The following ATRNL1 variants were observed in gnomAD, a reference collection of about 807,000 sequenced individuals.
ATRNL1 encodes the protein attractin like 1, also known as attractin-like protein 1.
In ATRNL1, 95 loss-of-function variants were observed where a neutral mutation model predicts 182.7. The observed-to-expected ratio is 0.52, with a 90% CI of 0.44 to 0.62. The LOEUF (loss-of-function observed/expected upper bound fraction) is 0.62, where lower values mean the gene tolerates loss of function less well. Ranked by LOEUF, ATRNL1 falls within the 20% of genes least tolerant of loss-of-function variation. The pLI is 0.00. For missense variants in ATRNL1, 1,471 were observed against 1,679.5 expected, an observed-to-expected ratio of 0.88 and a Z score of 2.17; for synonymous variants, 576 against 568.3, an observed-to-expected ratio of 1.01 and a Z score of -0.19.
chr10:115,387,851 T>C (rs76823798), intron 19 of ATRNL1, among the ~76,000 whole-genome samples: 2,569 of 152,338 alleles, frequency 0.017, 77 homozygotes, highest in African/African-American at 0.057. Flanking sequence ...TTTCCACTTA[T>C]GGCTATTGTG....
chr10:115,826,151 T>C (rs950345860), intron 27 of ATRNL1, among the ~76,000 whole-genome samples: 2 of 152,202 alleles, frequency 1.3e-5, no homozygotes, highest in Non-Finnish European at 1.5e-5. Flanking sequence ...ATGCTAGCTA[T>C]GACTGTTCTC....
chr10:115,505,233 C>A (rs1554981017), intron 24 of ATRNL1, among the ~76,000 whole-genome samples: 1 of 151,878 alleles, frequency 6.6e-6, no homozygotes, highest in Non-Finnish European at 1.5e-5. Context: ...AGAGCCCACA[C>A]TGAATCCTGG....
chr10:115,557,808 A>T (rs1458436104), intron 26 of ATRNL1, among the ~76,000 whole-genome samples: 7 of 152,170 alleles, frequency 4.6e-5, no homozygotes, highest in African/African-American at 1.7e-4. Context: ...ACACTTTGAG[A>T]GGCCGAGGCT....
At chr10:115,870,839 C>T (rs1589629441) in intron 28 of ATRNL1, among the ~76,000 whole-genome samples, 1 of 152,080 alleles carries the variant, frequency 6.6e-6, no homozygotes, top group East Asian at 1.9e-4. Context: ...GTTTTCTCAT[C>T]ATAATTTGAA....
At chr10:115,742,206 A>G (rs1197778336) in intron 27 of ATRNL1, among the ~76,000 whole-genome samples, 2 of 152,200 alleles carry the variant, frequency 1.3e-5, no homozygotes, top group Non-Finnish European at 1.5e-5. Context: ...GACATGAGAT[A>G]GTAATTTAAG....
intron 24 of ATRNL1, among the ~76,000 whole-genome samples, chr10:115,498,515 T>C (rs978292816): frequency 2.6e-5 from 4 of 152,058 alleles, no homozygotes; most frequent in Admixed American, 1.3e-4. Context: ...GGGAAAGACA[T>C]CAGCAATTGT....
At chr10:115,782,667 C>T (rs1350468280) in intron 27 of ATRNL1, among the ~76,000 whole-genome samples, 2 of 152,162 alleles carry the variant, frequency 1.3e-5, no homozygotes, top group Non-Finnish European at 2.9e-5. Flanking sequence ...TTCTATTGGT[C>T]ATTCTGTTGG....
chr10:115,313,649 A>T (rs536416135), intron 17 of ATRNL1, among the ~76,000 whole-genome samples: 1 of 152,288 alleles, frequency 6.6e-6, no homozygotes, highest in Non-Finnish European at 1.5e-5. Context: ...CACAGGTAAA[A>T]TCTGGCTGTT....
chr10:115,855,288 C>T (rs1951153541), intron 28 of ATRNL1, among the ~76,000 whole-genome samples: 1 of 152,178 alleles, frequency 6.6e-6, no homozygotes, highest in South Asian at 2.1e-4. Context: ...CTGTGTTAGG[C>T]TGCTTATTTT....
At chr10:115,504,255 TAA>T (rs1239784252) in intron 24 of ATRNL1, among the ~76,000 whole-genome samples, 1 of 152,046 alleles carries the variant, frequency 6.6e-6, no homozygotes, top group Non-Finnish European at 1.5e-5. Context: ...CCTGAGACAG[TAA>T]AAAAGATTTG....
chr10:115,605,319 T>C (rs1390343965), intron 26 of ATRNL1, among the ~76,000 whole-genome samples: 2 of 152,124 alleles, frequency 1.3e-5, no homozygotes, highest in Non-Finnish European at 2.9e-5. Flanking sequence ...GGTAGTAATT[T>C]GTCTTTCTTA....
At chr10:115,853,207 T>C in intron 28 of ATRNL1, among the ~76,000 whole-genome samples, 1 of 152,202 alleles carries the variant, frequency 6.6e-6, no homozygotes. Flanking sequence ...ATTTATCTTT[T>C]CAGTTGCTCA....
At chr10:115,767,665 T>G (rs1270189809) in intron 27 of ATRNL1, among the ~76,000 whole-genome samples, 1 of 152,166 alleles carries the variant, frequency 6.6e-6, no homozygotes, top group Admixed American at 6.6e-5. Context: ...ACCTGTTCCT[T>G]TACCTATCAA....
Position 115,093,819 on chromosome 10 carries a change from G to A in ATRNL1, c.69G>A (p.Arg23=), listed in dbSNP as rs782669624. The change falls in exon 1 of 29, where the codon CGG becomes CGA. Residue 23 remains arginine (R), a synonymous_variant. Transcript: ENST00000355044. The surrounding 1 kb of genome is among the most constrained non-coding windows in gnomAD (Gnocchi z 6.1). Reference sequence around the variant, plus strand: ...CGGCCCCGGGGGTGTGGAGGGCTCGGCCGGCGGGCGGCGGCGGCGGGGGCG... The same window carrying A: ...CGGCCCCGGGGGTGTGGAGGGCTCGACCGGCGGGCGGCGGCGGCGGGGGCG... ...QPAAPGVWRA[R]PAGGGGGGAS... is the part of the protein sequence containing the mutation. 1 of 1,498,496 alleles carries A rather than the reference G, an allele frequency of 6.7e-7. No homozygotes were observed. 92.8% of individuals were successfully genotyped at this position (1,498,496 alleles called of 1,614,324 possible).
chr10:115,868,289 T>C (rs1171394589), intron 28 of ATRNL1, among the ~76,000 whole-genome samples: 1 of 152,192 alleles, frequency 6.6e-6, no homozygotes, highest in Non-Finnish European at 1.5e-5. Context: ...GCCATCTTCA[T>C]TTATTCCCTA....
chr10:115,945,642 A>G lies in ATRNL1; in HGVS notation c.*863A>G, dbSNP rs1050627642. 1 of 152,232 alleles carries G rather than the reference A, an allele frequency of 6.6e-6. No individual in the cohort carries two copies. Among genetic ancestry groups the G allele is most frequent in the African/African-American group, 2.4e-5 (1 of 41,464 alleles). 9.4% of individuals were successfully genotyped at this position (152,232 alleles called of 1,614,324 possible). The stretch of plus-strand genomic sequence containing the variant: ...TTAATTGCCTAAGAATCATTGGATC[A>G]GACCTAAATGATCCATCTGCATTTT... On this transcript the variant is annotated 3_prime_UTR_variant, in exon 29 of 29. Transcript: ENST00000355044.
At chr10:115,433,756 T>TTA (rs1485811829) in intron 21 of ATRNL1, among the ~76,000 whole-genome samples, 4 of 152,272 alleles carry the variant, frequency 2.6e-5, no homozygotes, top group Admixed American at 6.5e-5. Flanking sequence ...GCTATTAAGT[T>TTA]AATGTAGAAG....
intron 24 of ATRNL1, among the ~76,000 whole-genome samples, chr10:115,492,737 G>T (rs868994838): frequency 6.8e-6 from 1 of 146,180 alleles, no homozygotes; most frequent in Admixed American, 6.9e-5. Context: ...TCCGCCTCCC[G>T]GGTTCACACC....
chr10:115,697,332 C>T (rs1286609596), intron 26 of ATRNL1, among the ~76,000 whole-genome samples: 2 of 152,060 alleles, frequency 1.3e-5, no homozygotes, highest in Non-Finnish European at 2.9e-5. Flanking sequence ...CTTTACAATA[C>T]AAGCATGTTT....
Sources: gnomAD v4.1 joint callset for allele counts (sites outside exome capture counted in the v4.1 genomes callset) on GRCh38, gnomAD v4.1.1 for gene constraint, Gnocchi (gnomAD v3.1) non-coding constraint, MANE v1.5 for transcripts, NCBI Gene and HGNC (gene_info 2026-07-23, HGNC 2026-07-21) for gene names.